The following SMYD3 variants were observed in gnomAD, a reference collection of about 807,000 sequenced individuals.
The protein encoded by SMYD3 is SET and MYND domain containing 3, also known as histone-lysine N-methyltransferase SMYD3.
In SMYD3, 36 loss-of-function variants were observed where a neutral mutation model predicts 57.7. That is an observed-to-expected ratio of 0.62 (90% confidence interval 0.48 to 0.82). The LOEUF is 0.82. SMYD3 is among the 40% of genes least tolerant of loss of function. SMYD3 has a pLI of 0.00. For synonymous variants in SMYD3, 211 were observed against 195.0 expected (o/e 1.08, Z -0.68); for missense variants, 515 against 538.8 (o/e 0.96, Z 0.44).
chr1:245,779,953 C>T (rs950326969), intron 10 of SMYD3, among the ~76,000 whole-genome samples: 1 of 152,140 alleles, frequency 6.6e-6, no homozygotes, highest in African/African-American at 2.4e-5. Flanking sequence ...ATCAGGGAAA[C>T]GTGACTCGAA....
chr1:246,423,459 G>C (rs1558458134), intron 1 of SMYD3, among the ~76,000 whole-genome samples: 1 of 152,050 alleles, frequency 6.6e-6, no homozygotes, highest in African/African-American at 2.4e-5. Flanking sequence ...CCACCTCCTA[G>C]AGGGGATGAG....
chr1:246,446,634 G>A (rs1390220398), intron 1 of SMYD3, among the ~76,000 whole-genome samples: 1 of 152,130 alleles, frequency 6.6e-6, no homozygotes, highest in East Asian at 1.9e-4. Flanking sequence ...GATTTAAATA[G>A]GTACCATATG....
At chr1:246,469,596 T>C (rs1051770429) in intron 1 of SMYD3, among the ~76,000 whole-genome samples, 13 of 151,182 alleles carry the variant, frequency 8.6e-5, no homozygotes. Context: ...ATGGAACAAA[T>C]AGGAACCAAT....
At chr1:246,423,596 G>A (rs2067176488) in intron 1 of SMYD3, among the ~76,000 whole-genome samples, 1 of 152,102 alleles carries the variant, frequency 6.6e-6, no homozygotes, top group Non-Finnish European at 1.5e-5. Flanking sequence ...AGCTACCCAG[G>A]AGCCTGAGGC....
intron 10 of SMYD3, among the ~76,000 whole-genome samples, chr1:245,786,575 TTAACTGAAA>T: frequency 6.6e-6 from 1 of 152,120 alleles, no homozygotes; most frequent in Admixed American, 6.5e-5. Flanking sequence ...TGTTAACTTC[TTAACTGAAA>T]TATTTCCAAT....
chr1:246,348,142 G>A (rs10924700), intron 2 of SMYD3, among the ~76,000 whole-genome samples: 6,207 of 147,096 alleles, frequency 0.042, 439 homozygotes, highest in African/African-American at 0.15. Context: ...TGGGCCGGGC[G>A]CATTGGCTCA....
chr1:246,323,223 A>G (rs2065279895), intron 5 of SMYD3, among the ~76,000 whole-genome samples: 1 of 152,234 alleles, frequency 6.6e-6, no homozygotes, highest in Non-Finnish European at 1.5e-5. Context: ...ATATCTATAT[A>G]GAAAACTCCA....
At chr1:246,212,905 T>C (rs2063111850) in intron 5 of SMYD3, among the ~76,000 whole-genome samples, 1 of 152,138 alleles carries the variant, frequency 6.6e-6, no homozygotes, top group African/African-American at 2.4e-5. Context: ...GAAATGGATT[T>C]CAGTAACTTG....
chr1:246,218,545 C>T (rs927794399), intron 5 of SMYD3, among the ~76,000 whole-genome samples: 2 of 151,614 alleles, frequency 1.3e-5, no homozygotes, highest in Non-Finnish European at 2.9e-5. Context: ...GGCCTGAACC[C>T]AGGAGACGGA....
At chr1:246,047,035 T>C (rs891844608) in intron 5 of SMYD3, among the ~76,000 whole-genome samples, 1 of 152,208 alleles carries the variant, frequency 6.6e-6, no homozygotes, top group Non-Finnish European at 1.5e-5. Context: ...CATATGTTCC[T>C]GAAGAGGAGG....
intron 10 of SMYD3, among the ~76,000 whole-genome samples, chr1:245,802,051 A>G (rs906011481): frequency 6.6e-6 from 1 of 152,224 alleles, no homozygotes; most frequent in Non-Finnish European, 1.5e-5. Context: ...ATGTTTTACA[A>G]CCTTAGGGCA....
chr1:246,001,714 A>G (rs545734656), intron 5 of SMYD3, among the ~76,000 whole-genome samples: 1 of 152,350 alleles, frequency 6.6e-6, no homozygotes, highest in African/African-American at 2.4e-5. Context: ...ATGATAGTCA[A>G]ACAGGGGTCA....
intron 5 of SMYD3, among the ~76,000 whole-genome samples, chr1:246,053,612 G>A (rs928694378): frequency 6.6e-5 from 10 of 152,098 alleles, no homozygotes; most frequent in African/African-American, 2.4e-4. Flanking sequence ...TTTGTGTGGA[G>A]AATCAAGAAA....
In SMYD3 at chr1:246,400,257, G is replaced by A. The variant is rs1343840368; in HGVS notation, c.165-45163C>T. ...GAGGAATAAGCACAGAACAGAAACAGTGCCTGCCTTCACAAAGCTTAGTCT... is the reference window on the plus strand; with the variant it reads ...GAGGAATAAGCACAGAACAGAAACAATGCCTGCCTTCACAAAGCTTAGTCT... On this transcript the variant is annotated intron_variant, in intron 1 of 11. Coordinates refer to ENST00000490107, the MANE Select transcript of SMYD3 (RefSeq NM_001167740.2). Among the ~76,000 whole-genome samples, 5 of 152,226 alleles carry A rather than the reference G, an allele frequency of 3.3e-5. No individual in the cohort carries two copies. The East Asian group carries it at 9.6e-4, about 29-fold the overall frequency.
intron 1 of SMYD3, among the ~76,000 whole-genome samples, chr1:246,429,428 G>A (rs991867723): frequency 2.6e-5 from 4 of 152,130 alleles, no homozygotes; most frequent in African/African-American, 7.2e-5. Context: ...AATGTAGGAC[G>A]CATCCTAATT....
At chr1:245,958,967 G>C (rs1398680466) in intron 5 of SMYD3, among the ~76,000 whole-genome samples, 4 of 152,130 alleles carry the variant, frequency 2.6e-5, no homozygotes, top group African/African-American at 9.7e-5. Context: ...GAGTTTGGTG[G>C]CATGATCTCA....
At chr1:246,039,619 C>T (rs188753467) in intron 5 of SMYD3, among the ~76,000 whole-genome samples, 6 of 152,230 alleles carry the variant, frequency 3.9e-5, no homozygotes, top group South Asian at 4.1e-4. Flanking sequence ...TTCTACTAAG[C>T]GCCAATGGGT....
chr1:245,938,744 T>A (rs2057088581), intron 5 of SMYD3, among the ~76,000 whole-genome samples: 1 of 152,182 alleles, frequency 6.6e-6, no homozygotes, highest in Non-Finnish European at 1.5e-5. Context: ...TCTGGTACCA[T>A]TTTTAACTAG....
intron 5 of SMYD3, among the ~76,000 whole-genome samples, chr1:245,959,649 G>A (rs1032097067): frequency 2.6e-5 from 4 of 152,128 alleles, no homozygotes; most frequent in African/African-American, 9.7e-5. Context: ...CCACCTGAAG[G>A]TCTCTGCCAG....
Sources: allele counts gnomAD v4.1 joint callset (sites outside exome capture counted in the v4.1 genomes callset), GRCh38; gene constraint gnomAD v4.1.1; transcripts MANE v1.5; gene names NCBI Gene and HGNC (gene_info 2026-07-23, HGNC 2026-07-21).